Variants in B3GALT1 observed in about 807,000 individuals in gnomAD.
B3GALT1 encodes the protein UDP-Gal:betaGlcNAc beta 1,3-galactosyltransferase, polypeptide 1.
B3GALT1 carries 10 observed loss-of-function variants against 23.2 expected under a neutral mutation model. The observed-to-expected ratio is 0.43, with a 90% CI of 0.27 to 0.73. The LOEUF is 0.73. B3GALT1 is among the 30% of genes least tolerant of loss of function. The probability of loss-of-function intolerance (pLI) is 0.21; values close to 1 mark genes in which losing one functional copy is unlikely to be tolerated. For synonymous variants in B3GALT1, 156 were observed against 141.5 expected, an observed-to-expected ratio of 1.10 and a Z score of -0.73; for missense variants, 299 against 405.4, an observed-to-expected ratio of 0.74 and a Z score of 2.25.
intron 1 of B3GALT1, among the ~76,000 whole-genome samples, chr2:167,451,475 C>G (rs560349333): frequency 6.6e-6 from 1 of 152,140 alleles, no homozygotes; most frequent in Non-Finnish European, 1.5e-5. Flanking sequence ...TTCTGGATCT[C>G]GCCATTCAGC....
intron 3 of B3GALT1, among the ~76,000 whole-genome samples, chr2:167,725,710 C>G (rs1044278301): frequency 6.6e-6 from 1 of 152,096 alleles, no homozygotes; most frequent in African/African-American, 2.4e-5. Context: ...CCCGAAAACC[C>G]TCTTCCACAC....
intron 2 of B3GALT1, among the ~76,000 whole-genome samples, chr2:167,558,946 A>G (rs1248864876): frequency 6.6e-6 from 1 of 152,188 alleles, no homozygotes; most frequent in African/African-American, 2.4e-5. Flanking sequence ...GACAGCTTTG[A>G]AGAGAGCAGT....
At chr2:167,671,174 C>CA (rs1387662893) in intron 3 of B3GALT1, among the ~76,000 whole-genome samples, 1 of 151,912 alleles carries the variant, frequency 6.6e-6, no homozygotes, top group East Asian at 1.9e-4. Context: ...CAAATATTAA[C>CA]AGAATGGAAG....
chr2:167,565,962 A>C (rs1235422483), intron 2 of B3GALT1, among the ~76,000 whole-genome samples: 1 of 152,080 alleles, frequency 6.6e-6, no homozygotes, highest in Non-Finnish European at 1.5e-5. Context: ...AGGGATGTAG[A>C]ACTAGAAATA....
intron 1 of B3GALT1, among the ~76,000 whole-genome samples, chr2:167,417,114 A>G (rs923594784): frequency 1.3e-5 from 2 of 152,114 alleles, no homozygotes; most frequent in African/African-American, 2.4e-5. Context: ...GTGGGATGCT[A>G]TGGTTTGAAT....
intron 3 of B3GALT1, among the ~76,000 whole-genome samples, chr2:167,654,585 C>T (rs6733017): frequency 0.25 from 37,628 of 151,928 alleles, 6,610 homozygotes; most frequent in African/African-American, 0.48. Flanking sequence ...CTGCAGCCTT[C>T]TGGGCTCAAA....
intron 2 of B3GALT1, among the ~76,000 whole-genome samples, chr2:167,544,897 A>G (rs1453593796): frequency 3.9e-5 from 6 of 152,134 alleles, no homozygotes; most frequent in Admixed American, 2.6e-4. Flanking sequence ...CAGCTCGATT[A>G]GAGAAACGCG....
chr2:167,824,510 T>G (rs935177697), intron 4 of B3GALT1, among the ~76,000 whole-genome samples: 4 of 152,134 alleles, frequency 2.6e-5, no homozygotes, highest in African/African-American at 9.7e-5. Flanking sequence ...TGGTGATGGA[T>G]TAGGTACAGA....
chr2:167,759,154 C>T (rs1226027918), intron 3 of B3GALT1, among the ~76,000 whole-genome samples: 2 of 152,164 alleles, frequency 1.3e-5, no homozygotes, highest in African/African-American at 2.4e-5. Context: ...ACACTGACTC[C>T]GTTCTCGAGG....
At chr2:167,413,619 A>T (rs1213481503) in intron 1 of B3GALT1, among the ~76,000 whole-genome samples, 5 of 151,880 alleles carry the variant, frequency 3.3e-5, no homozygotes, top group Non-Finnish European at 7.4e-5. Flanking sequence ...TGGCATTTTT[A>T]TCTCCCATTC....
chr2:167,319,334 T>C (rs942286225), intron 1 of B3GALT1, among the ~76,000 whole-genome samples: 2 of 152,106 alleles, frequency 1.3e-5, no homozygotes, highest in African/African-American at 4.8e-5. Context: ...GCAATTTTCT[T>C]CTCTGATAGC....
chr2:167,730,179 A>G (rs752898678), intron 3 of B3GALT1, among the ~76,000 whole-genome samples: 1 of 152,220 alleles, frequency 6.6e-6, no homozygotes, highest in Non-Finnish European at 1.5e-5. Context: ...GCGCTCATCC[A>G]CAATGTTGCT....
chr2:167,580,667 C>T (rs1684468425), intron 2 of B3GALT1, among the ~76,000 whole-genome samples: 1 of 152,032 alleles, frequency 6.6e-6, no homozygotes, highest in African/African-American at 2.4e-5. Flanking sequence ...ATTTTCAGTT[C>T]TGTTAGTGTC....
At chr2:167,615,513 T>A (rs541862725) in intron 2 of B3GALT1, among the ~76,000 whole-genome samples, 1 of 152,070 alleles carries the variant, frequency 6.6e-6, no homozygotes, top group African/African-American at 2.4e-5. Context: ...ATTGTATGCT[T>A]AAAAATCACT....
chr2:167,847,755 T>C (rs1689791808), intron 4 of B3GALT1, among the ~76,000 whole-genome samples: 3 of 151,412 alleles, frequency 2.0e-5, no homozygotes, highest in African/African-American at 4.9e-5. Flanking sequence ...CAGAACTAAG[T>C]GAAATTGAAA....
intron 4 of B3GALT1, among the ~76,000 whole-genome samples, chr2:167,863,252 C>T (rs1334234190): frequency 2.6e-5 from 4 of 151,852 alleles, no homozygotes; most frequent in South Asian, 2.1e-4. Context: ...CCTGTACTCA[C>T]GAAGCTGGAT....
At chr2:167,572,210 T>C (rs2105400858) in intron 2 of B3GALT1, among the ~76,000 whole-genome samples, 1 of 151,972 alleles carries the variant, frequency 6.6e-6, no homozygotes, top group Admixed American at 6.6e-5. Flanking sequence ...GTAGTATTCT[T>C]TCCTTCTCCA....
chr2:167,707,828 C>T (rs906054397), intron 3 of B3GALT1, among the ~76,000 whole-genome samples: 1 of 152,160 alleles, frequency 6.6e-6, no homozygotes, highest in African/African-American at 2.4e-5. Flanking sequence ...TATCACAACA[C>T]GTAAGGGCAA....
intron 2 of B3GALT1, among the ~76,000 whole-genome samples, chr2:167,538,050 T>G (rs894738838): frequency 6.6e-6 from 1 of 152,116 alleles, no homozygotes; most frequent in African/African-American, 2.4e-5. Context: ...ATTGAACTCC[T>G]GACTTCAGGT....
Sources: allele counts gnomAD v4.1 joint callset (sites outside exome capture counted in the v4.1 genomes callset), GRCh38; gene constraint gnomAD v4.1.1; transcripts MANE v1.5; gene names NCBI Gene and HGNC (gene_info 2026-07-23, HGNC 2026-07-21).